Variants in PRRT4 observed in about 807,000 individuals in gnomAD.
The protein encoded by PRRT4 is proline rich transmembrane protein 4, also known as proline-rich transmembrane protein 4.
In PRRT4, 59 loss-of-function variants were observed where a neutral mutation model predicts 55.6. The ratio of observed to expected loss-of-function variants is 1.06; its 90% CI spans 0.86 to 1.32. The LOEUF is 1.32. Ranked by LOEUF, PRRT4 falls within the 40% of genes most tolerant of loss-of-function variation. PRRT4 has a pLI of 0.00. For synonymous variants in PRRT4, 606 were observed against 601.8 expected (o/e 1.01, Z -0.10); for missense variants, 1,217 against 1,222.0 (o/e 1.00, Z 0.06).
chr7:128,350,931 C>T (rs1444392312), exon 5 of PRRT4: 3 of 1,550,918 alleles, frequency 1.9e-6, no homozygotes, highest in Non-Finnish European at 2.6e-6. Context: ...GCTCCTGCAG[C>T]AAGGCCTCCT....
chr7:128,354,155 A>T (rs979348439), intron 4 of PRRT4, among the ~76,000 whole-genome samples: 2 of 152,144 alleles, frequency 1.3e-5, no homozygotes, highest in South Asian at 4.1e-4. Context: ...GGTGCCTGAT[A>T]ATCACCCAAC....
intron 3 of PRRT4, 56 bp downstream of exon 4, chr7:128,359,093 C>T: frequency 1.3e-6 from 2 of 1,511,042 alleles, no homozygotes; most frequent in Non-Finnish European, 1.8e-6. Flanking sequence ...GCTCCTAGCA[C>T]AGCGCTTGGC....
chr7:128,352,048 G>C, exon 5 of PRRT4: 1 of 1,260,822 alleles, frequency 7.9e-7, no homozygotes, highest in Non-Finnish European at 1.0e-6. Context: ...GGCGAGAAAG[G>C]CGTGCAGCCC....
chr7:128,356,907 A>C (rs1484003116), intron 4 of PRRT4, among the ~76,000 whole-genome samples: 1 of 152,196 alleles, frequency 6.6e-6, no homozygotes, highest in Non-Finnish European at 1.5e-5. Context: ...CAAAATGTCT[A>C]GCAACTGAGT....
exon 3 of PRRT4, chr7:128,359,228 T>G (rs1228370554): frequency 6.4e-7 from 1 of 1,551,474 alleles, no homozygotes; most frequent in Non-Finnish European, 8.7e-7. Context: ...AGTTCCGGAG[T>G]GGGGACAGAG....
rs1319650588 is a variant in PRRT4 at position 128,351,860 on chromosome 7, TGCCCGCCACCGGGGCCGTGCGCGCC to T, written c.1671_1695del (p.Ala558ProfsTer5). 8 of 1,340,416 alleles carry T rather than the reference TGCCCGCCACCGGGGCCGTGCGCGCC, an allele frequency of 6.0e-6. No individual in the cohort carries two copies. Among genetic ancestry groups the T allele is most frequent in the Non-Finnish European group, 7.6e-6 (8 of 1,053,488 alleles). The allele number at this position is 1,340,416 out of a possible 1,614,324, so 83.0% of individuals were successfully genotyped here. The stretch of plus-strand genomic sequence containing the variant: ...AGGGCTCCGCTCAGCAGCCCGAAGG[TGCCCGCCACCGGGGCCGTGCGCGCC>T]GCGCGCCGCCAGGACTCCCGAGGGG... On this transcript the variant is annotated frameshift_variant, in exon 5 of 5. Coordinates refer to ENST00000535159, the Ensembl canonical transcript of PRRT4. LOFTEE classifies it high-confidence loss of function.
In PRRT4 at chr7:128,359,484, T is replaced by G. The variant is rs1174285259; in HGVS notation, c.508A>C (p.Arg170=). Residue 170 remains arginine, a synonymous_variant, in exon 2 of 5, where the codon AGG becomes CGG. Transcript: ENST00000535159. The stretch of plus-strand genomic sequence containing the variant: ...AGCTCCAGCTCGCTCTGGTGGGGCC[T>G]GGGAGCACTGGATGGAAGTGCTGTC... 4.8e-6 allele frequency: 7 copies of G among 1,463,920 alleles called. No homozygotes were observed. In the African/African-American group the frequency reaches 1.0e-4, roughly 21 times the overall value. The allele number at this position is 1,463,920 out of a possible 1,614,324, so 90.7% of individuals were successfully genotyped here.
At chr7:128,351,528 C>A in exon 5 of PRRT4, 1 of 1,487,546 alleles carries the variant, frequency 6.7e-7, no homozygotes, top group South Asian at 1.3e-5. Flanking sequence ...GCGCGCACAG[C>A]TGCAGCAGCT....
rs1192145888 is a variant in PRRT4 at position 128,351,417 on chromosome 7, G to T, written c.2139C>A (p.Cys713Ter). ...GGCGGAAGTCCACGGTGTAATCGCT[G>T]CAGGGAGAGGAAGCCGGGGACGGGG... is the stretch of plus-strand genomic sequence containing the variant. The change falls in exon 5 of 5, where the codon TGC becomes TGA. Residue 713 changes from cysteine to a stop codon, truncating the protein, a stop_gained. Transcript: ENST00000535159. LOFTEE classifies it high-confidence loss of function. 6.5e-7 allele frequency: 1 copy of T among 1,532,384 alleles called. No homozygotes were observed. The highest frequency in any genetic ancestry group is 8.8e-7 in the Non-Finnish European group (1 of 1,137,864). 94.9% of individuals were successfully genotyped at this position (1,532,384 alleles called of 1,614,324 possible).
chr7:128,351,895 C>G (rs1451695912), exon 5 of PRRT4: 2 of 1,325,680 alleles, frequency 1.5e-6, no homozygotes, highest in South Asian at 4.3e-5. Context: ...CGCGCGCCGC[C>G]AGGACTCCCG....
intron 1 of PRRT4, among the ~76,000 whole-genome samples, chr7:128,361,000 C>T (rs1010859485): frequency 6.6e-6 from 1 of 151,270 alleles, no homozygotes; most frequent in African/African-American, 2.4e-5. Flanking sequence ...CACACACACA[C>T]ACACTCCGTC....
chr7:128,351,732 C>A, exon 5 of PRRT4: 1 of 1,469,526 alleles, frequency 6.8e-7, no homozygotes, highest in South Asian at 1.3e-5. Context: ...CGACGCCCAC[C>A]TCGCCCAGGC....
At chr7:128,351,896 A>C in exon 5 of PRRT4, 2 of 1,325,314 alleles carry the variant, frequency 1.5e-6, no homozygotes, top group Non-Finnish European at 1.9e-6. Flanking sequence ...GCGCGCCGCC[A>C]GGACTCCCGA....
chr7:128,352,613 C>G, exon 5 of PRRT4: 1 of 1,542,354 alleles, frequency 6.5e-7, no homozygotes, highest in Non-Finnish European at 8.7e-7. Context: ...TCTGGCTGCC[C>G]CGAAGGGTTC....
In PRRT4 at chr7:128,358,687, ATGT is replaced by A. The variant is rs1228490062; in HGVS notation, c.868_870del (p.Thr290del). 1.9e-6 allele frequency: 3 copies of A among 1,551,678 alleles called. No homozygotes were observed. Among genetic ancestry groups the A allele is most frequent in the Non-Finnish European group, 2.6e-6 (3 of 1,146,946 alleles). On this transcript the variant is annotated inframe_deletion, in exon 4 of 5. Transcript: ENST00000535159. This position sits in a 1 kb window ranked among gnomAD's most constrained non-coding sequence, Gnocchi z 4.4. ...AAATGAATTGGATACTTACCTAATG[ATGT>A]TGTTGCAATCGAGGCAAAACTTAGG...
intron 4 of PRRT4, among the ~76,000 whole-genome samples, chr7:128,357,555 C>T (rs1200980550): frequency 2.0e-5 from 3 of 152,158 alleles, no homozygotes; most frequent in Admixed American, 1.3e-4. Flanking sequence ...CCCTGCTGCA[C>T]GCTGGGCTGG....
At chr7:128,352,608 C>T in exon 5 of PRRT4, 1 of 1,542,924 alleles carries the variant, frequency 6.5e-7, no homozygotes, top group South Asian at 1.2e-5. Flanking sequence ...CACACTCTGG[C>T]TGCCCCGAAG....
intron 4 of PRRT4, among the ~76,000 whole-genome samples, chr7:128,357,997 A>T (rs1374573845): frequency 6.6e-6 from 1 of 152,240 alleles, no homozygotes; most frequent in Non-Finnish European, 1.5e-5. Context: ...GCATCATGCT[A>T]AGAGCTTTGC....
exon 5 of PRRT4, chr7:128,352,068 G>A (rs766846413): frequency 1.7e-6 from 2 of 1,200,874 alleles, no homozygotes; most frequent in South Asian, 7.3e-5. Flanking sequence ...CGCGCGAGGC[G>A]AGCCGCAGGG....
Sources: allele counts gnomAD v4.1 joint callset (sites outside exome capture counted in the v4.1 genomes callset), GRCh38; gene constraint gnomAD v4.1.1; non-coding constraint Gnocchi (gnomAD v3.1); transcripts MANE v1.5; gene names NCBI Gene and HGNC (gene_info 2026-07-23, HGNC 2026-07-21).